CDH17: variants seen among roughly 807,000 people sequenced by gnomAD.
CDH17 encodes the protein cadherin 17.
A neutral mutation model predicts 86.3 loss-of-function variants in CDH17; 67 were observed. The observed-to-expected ratio is 0.78, with a 90% CI of 0.64 to 0.95. The LOEUF is 0.95. Ranked by LOEUF, CDH17 falls within the 40% of genes least tolerant of loss-of-function variation. The probability of loss-of-function intolerance (pLI) is 0.00; values close to 1 mark genes in which losing one functional copy is unlikely to be tolerated. For synonymous variants in CDH17, 367 were observed against 366.4 expected (o/e 1.00, Z -0.02); for missense variants, 993 against 1,017.6 (o/e 0.98, Z 0.33).
In CDH17 at chr8:94,152,751, TG is replaced by T. The variant is rs541405693; in HGVS notation, c.1552-640del. Reference sequence around the variant, plus strand: ...CTAGAGGCTGGAAAGCCTAAGAACATGGCACCAGCATCTGTTGAGGACTTTG... The same window carrying T: ...CTAGAGGCTGGAAAGCCTAAGAACATGCACCAGCATCTGTTGAGGACTTTG... On this transcript the variant is annotated intron_variant, in intron 12 of 17. Coordinates refer to ENST00000027335, the MANE Select transcript of CDH17 (RefSeq NM_004063.4). 3.3e-3 allele frequency among the ~76,000 whole-genome samples: 504 copies of T among 152,346 alleles called. 1 individual carries two copies. Among genetic ancestry groups the T allele is most frequent in the African/African-American group, 0.012 (483 of 41,580 alleles).
At chr8:94,130,380 A>C (rs1299875582) in intron 17 of CDH17, among the ~76,000 whole-genome samples, 1 of 152,210 alleles carries the variant, frequency 6.6e-6, no homozygotes, top group East Asian at 1.9e-4. Flanking sequence ...ATAATATATG[A>C]CAATTGATGA....
At chr8:94,185,599 C>A (rs1351069063) in intron 3 of CDH17, among the ~76,000 whole-genome samples, 1 of 152,126 alleles carries the variant, frequency 6.6e-6, no homozygotes, top group Non-Finnish European at 1.5e-5. Context: ...CCTGTACTCA[C>A]AGAACACCTA....
At chr8:94,171,988 TCCCCCTCCTCCC>T (rs1813278756) in intron 7 of CDH17, among the ~76,000 whole-genome samples, 1 of 22,226 alleles carries the variant, frequency 4.5e-5, no homozygotes, top group Non-Finnish European at 9.8e-5. Flanking sequence ...CCCTCCCCCC[TCCCCCTCCTCCC>T]CCTCCTCCCT....
chr8:94,159,821 G>A (rs1242331398), intron 12 of CDH17, 150 bp downstream of exon 12: 10 of 526,460 alleles, frequency 1.9e-5, no homozygotes, highest in South Asian at 9.7e-5. Flanking sequence ...AGACAGGAAC[G>A]ACTAAGAGGA....
intron 3 of CDH17, among the ~76,000 whole-genome samples, chr8:94,179,231 G>A (rs1361988619): frequency 6.6e-6 from 1 of 151,990 alleles, no homozygotes; most frequent in Admixed American, 6.6e-5. Flanking sequence ...CTATCCTGTT[G>A]GCATTTCCCT....
At position 94,170,440 on chromosome 8, in the gene CDH17, C is replaced by T. The variant is rs765227677; in HGVS notation, c.1023G>A (p.Pro341=). 75 of 1,613,634 alleles carry T rather than the reference C, an allele frequency of 4.6e-5. No homozygotes were observed. Among genetic ancestry groups the T allele is most frequent in the Non-Finnish European group, 5.6e-5 (66 of 1,179,792 alleles). Residue 341 remains proline (P), a synonymous_variant, in exon 9 of 18, where the codon CCG becomes CCA. Coordinates refer to ENST00000027335, the MANE Select transcript of CDH17 (RefSeq NM_004063.4). ...GGACCTCAAATACGGTTACTGGTGA[C>T]GGACATGTAGGTGGATTATCATTAA... The part of the protein sequence containing the change: ...KDINDNPPTC[P]SPVTVFEVQE...
intron 14 of CDH17, among the ~76,000 whole-genome samples, chr8:94,148,140 A>C (rs1328824219): frequency 2.6e-5 from 4 of 152,204 alleles, no homozygotes; most frequent in Non-Finnish European, 5.9e-5. Flanking sequence ...GAAGGGAGGT[A>C]GTTCAGCCAG....
chr8:94,206,754 A>T (rs949349603), intron 1 of CDH17, among the ~76,000 whole-genome samples: 11 of 149,840 alleles, frequency 7.3e-5, no homozygotes. Context: ...GAATCCTCTC[A>T]CCTCAGCCTC....
intron 15 of CDH17, among the ~76,000 whole-genome samples, chr8:94,140,587 T>A (rs554742091): frequency 1.3e-5 from 2 of 151,870 alleles, no homozygotes; most frequent in South Asian, 4.2e-4. Context: ...ACAATAAAGA[T>A]CTAGCCAGTG....
chr8:94,159,564 G>C (rs57373749), intron 12 of CDH17, among the ~76,000 whole-genome samples: 5,040 of 152,244 alleles, frequency 0.033, 272 homozygotes, highest in African/African-American at 0.12. Flanking sequence ...CAGACCGTAA[G>C]AGTGTTGCGA....
rs1256099618 is a variant in CDH17, at chr8:94,162,122, A to G, written c.1323T>C (p.Asp441=). ...TLCFVQINVI[D]INDQIPIFEK... ...CAAAGATGGGGATCTGATCATTGATATCAATAACGTTGATTTGCACAAAAC... is the reference window on the plus strand; with the variant it reads ...CAAAGATGGGGATCTGATCATTGATGTCAATAACGTTGATTTGCACAAAAC... The change falls in exon 11 of 18, where the codon GAT becomes GAC. Residue 441 remains aspartate, a synonymous_variant. Coordinates refer to ENST00000027335, the MANE Select transcript of CDH17 (RefSeq NM_004063.4). 2 of 1,608,582 alleles carry G rather than the reference A, an allele frequency of 1.2e-6. No homozygotes were observed. Among genetic ancestry groups the G allele is most frequent in the Non-Finnish European group, 1.7e-6 (2 of 1,175,086 alleles).
In CDH17 at chr8:94,189,234, T is replaced by A. The variant is rs1446679313; in HGVS notation, c.103A>T (p.Thr35Ser). 5 of 1,613,254 alleles carry A rather than the reference T, an allele frequency of 3.1e-6. No individual in the cohort carries two copies. The highest frequency in any genetic ancestry group is 4.2e-6 in the Non-Finnish European group (5 of 1,179,790). Residue 35 changes from threonine to serine, a missense_variant, in exon 3 of 18, where the codon ACA becomes TCA. Transcript: ENST00000027335. ...GKFSGPLKPM[T>S]FSIYEGQEPS... ...TCTTGGCCTTCATAAATAGAAAATG[T>A]CATGGGTTTCAGGGGTCCACTAAAC...
rs772194614 is a variant in CDH17, at chr8:94,170,988, A to G, written c.784-3T>C. 44 of 1,613,270 alleles carry G rather than the reference A, an allele frequency of 2.7e-5. No homozygotes were observed. The highest frequency in any genetic ancestry group is 3.6e-5 in the Non-Finnish European group (43 of 1,179,600). On this transcript the variant is annotated splice_polypyrimidine_tract_variant and splice_region_variant and intron_variant, in intron 7 of 17. Coordinates refer to ENST00000027335, the MANE Select transcript of CDH17 (RefSeq NM_004063.4). ...GCACCGGGATCATTCCACCGCACCT[A>G]CAGGGCCCAAAGTCAGTTGTGAGGA...
At chr8:94,206,639 A>ATC in intron 1 of CDH17, among the ~76,000 whole-genome samples, 1 of 130,414 alleles carries the variant, frequency 7.7e-6, no homozygotes, top group Admixed American at 7.9e-5. Context: ...CATCATCCAG[A>ATC]TTTTTTTTTT....
chr8:94,174,297 A>G (rs566652257), intron 5 of CDH17, 37 bp from the exon 6 acceptor site: 17 of 1,516,510 alleles, frequency 1.1e-5, no homozygotes, highest in Middle Eastern at 1.8e-4. Flanking sequence ...AAAAAAAAAA[A>G]GATATTAATT....
chr8:94,169,023 A>T (rs1813219438), intron 9 of CDH17, among the ~76,000 whole-genome samples: 1 of 152,192 alleles, frequency 6.6e-6, no homozygotes. Flanking sequence ...GACATGATAC[A>T]TGCTTGTTGT....
chr8:94,150,193 A>C (rs896342103), intron 13 of CDH17, among the ~76,000 whole-genome samples: 17 of 152,162 alleles, frequency 1.1e-4, no homozygotes, highest in African/African-American at 3.9e-4. Context: ...TTTCATCCTG[A>C]AAGAGATGGA....
chr8:94,168,546 T>C (rs890142281), intron 9 of CDH17, among the ~76,000 whole-genome samples: 7 of 152,122 alleles, frequency 4.6e-5, no homozygotes, highest in African/African-American at 1.7e-4. Flanking sequence ...AGCATTGTCT[T>C]GTACCCTTTT....
intron 14 of CDH17, among the ~76,000 whole-genome samples, chr8:94,148,542 A>C (rs1586241633): frequency 1.6e-5 from 1 of 62,410 alleles, no homozygotes; most frequent in Admixed American, 1.3e-4. Flanking sequence ...ACTCCATCTC[A>C]AAAAAAAAAA....
Sources: gnomAD v4.1 joint callset for allele counts (sites outside exome capture counted in the v4.1 genomes callset) on GRCh38, gnomAD v4.1.1 for gene constraint, MANE v1.5 for transcripts, NCBI Gene and HGNC (gene_info 2026-07-23, HGNC 2026-07-21) for gene names.